TBC1D2B: variants seen among roughly 807,000 people sequenced by gnomAD.
TBC1D2B encodes TBC1 domain family, member 2B.
In TBC1D2B, 64 loss-of-function variants were observed where a neutral mutation model predicts 100.8. The ratio of observed to expected loss-of-function variants is 0.64; its 90% CI spans 0.52 to 0.78. The LOEUF (loss-of-function observed/expected upper bound fraction) is 0.78. Ranked by LOEUF, TBC1D2B falls within the 30% of genes least tolerant of loss-of-function variation. TBC1D2B has a pLI of 0.00. For synonymous variants in TBC1D2B, 480 were observed against 479.7 expected (o/e 1.00, Z -0.01); for missense variants, 1,052 against 1,218.4 (o/e 0.86, Z 2.03).
chr15:78,010,365 G>C (rs2141648719), intron 9 of TBC1D2B, among the ~76,000 whole-genome samples: 1 of 152,254 alleles, frequency 6.6e-6, no homozygotes, highest in South Asian at 2.1e-4. Context: ...TGAGAGAAAG[G>C]CCTCCCTCTA....
chr15:78,038,700 G>C (rs1324334311), intron 3 of TBC1D2B, among the ~76,000 whole-genome samples: 2 of 152,152 alleles, frequency 1.3e-5, no homozygotes, highest in Non-Finnish European at 2.9e-5. Flanking sequence ...AATACAACCG[G>C]AGACATGGCC....
intron 9 of TBC1D2B, among the ~76,000 whole-genome samples, chr15:78,010,797 A>G (rs1383390285): frequency 1.3e-5 from 2 of 152,220 alleles, no homozygotes; most frequent in Non-Finnish European, 2.9e-5. Context: ...AGAAGCCATG[A>G]ACATGTACCA....
At chr15:78,009,769 T>C (rs2072170558) in intron 9 of TBC1D2B, among the ~76,000 whole-genome samples, 1 of 151,938 alleles carries the variant, frequency 6.6e-6, no homozygotes, top group African/African-American at 2.4e-5. Context: ...GGTCAGGAGA[T>C]TGAGACCATC....
At chr15:78,068,164 G>GT (rs1422537774) in intron 1 of TBC1D2B, among the ~76,000 whole-genome samples, 1 of 151,988 alleles carries the variant, frequency 6.6e-6, no homozygotes, top group Non-Finnish European at 1.5e-5. Context: ...CCTCTTCAAT[G>GT]TTTTTTTCAA....
At chr15:78,007,793 T>C (rs574539979) in intron 10 of TBC1D2B, among the ~76,000 whole-genome samples, 2 of 152,236 alleles carry the variant, frequency 1.3e-5, no homozygotes, top group South Asian at 4.2e-4. Context: ...GGGTCAGCTG[T>C]TGGCACAGAG....
intron 2 of TBC1D2B, among the ~76,000 whole-genome samples, chr15:78,051,301 A>G (rs923935585): frequency 2.0e-5 from 3 of 152,258 alleles, no homozygotes; most frequent in African/African-American, 7.2e-5. Flanking sequence ...ACACATACAT[A>G]TGGCTCTTTA....
chr15:78,070,596 T>C (rs1049756563), intron 1 of TBC1D2B, among the ~76,000 whole-genome samples: 1 of 152,236 alleles, frequency 6.6e-6, no homozygotes, highest in Non-Finnish European at 1.5e-5. Flanking sequence ...CCTGCGGTCA[T>C]TTCCAGTCTC....
At chr15:78,001,153 CT>C (rs2071902508) in intron 12 of TBC1D2B, among the ~76,000 whole-genome samples, 2 of 152,306 alleles carry the variant, frequency 1.3e-5, no homozygotes, top group South Asian at 2.1e-4. Flanking sequence ...GAAGGACCCC[CT>C]GTCCCCATAC....
intron 1 of TBC1D2B, among the ~76,000 whole-genome samples, chr15:78,062,448 T>C (rs751771313): frequency 1.8e-4 from 27 of 152,366 alleles, no homozygotes; most frequent in Non-Finnish European, 3.2e-4. Context: ...GAGATCCCAT[T>C]AATCTTTAGT....
At chr15:78,063,508 C>T (rs900304765) in intron 1 of TBC1D2B, among the ~76,000 whole-genome samples, 8 of 152,172 alleles carry the variant, frequency 5.3e-5, no homozygotes, top group Admixed American at 2.0e-4. Flanking sequence ...TCTAGGTTGG[C>T]TTCAGGGACA....
At chr15:78,049,201 G>A (rs1038962800) in intron 2 of TBC1D2B, among the ~76,000 whole-genome samples, 12 of 152,316 alleles carry the variant, frequency 7.9e-5, no homozygotes, top group Middle Eastern at 6.8e-3. Context: ...AGAGGCCCCA[G>A]GATGGGCCAG....
rs1478313486 is a variant in TBC1D2B at position 78,001,708 on chromosome 15, C to T, written c.2607G>A (p.Lys869=). 4.4e-6 allele frequency: 7 copies of T among 1,608,636 alleles called. No individual in the cohort carries two copies. Among genetic ancestry groups the T allele is most frequent in the Admixed American group, 3.4e-5 (2 of 59,226 alleles). Reference sequence around the variant, plus strand: ...ATTTCAAAATCTCCTCTTCCTTGTACTTAAAAAGTGCCAGAGCAAAACGGA... The same window carrying T: ...ATTTCAAAATCTCCTCTTCCTTGTATTTAAAAAGTGCCAGAGCAAAACGGA... ...VIFRFALALF[K]YKEEEILKLQ... The change falls in exon 12 of 13, where the codon AAG becomes AAA. Residue 869 remains lysine (K), a synonymous_variant. Coordinates refer to ENST00000300584, the MANE Select transcript of TBC1D2B (RefSeq NM_144572.2).
In TBC1D2B at chr15:78,024,062, G is replaced by A. The variant is rs1190607921; in HGVS notation, c.1470+94C>T. The A allele has an allele frequency of 4.2e-6, 6 of 1,440,422 alleles. No individual in the cohort carries two copies. In the African/African-American group the frequency reaches 8.6e-5, roughly 21 times the overall value. 89.2% of individuals were successfully genotyped at this position (1,440,422 alleles called of 1,614,324 possible). ...AAAAAAATAAGTGTGCAGCTGTTCT[G>A]CCGTCACACCAAATCAGCTCACGGA... is the stretch of plus-strand genomic sequence containing the variant. On this transcript the variant is annotated intron_variant, in intron 6 of 12. Transcript: ENST00000300584.
intron 1 of TBC1D2B, among the ~76,000 whole-genome samples, chr15:78,069,847 G>C (rs1292651458): frequency 1.3e-5 from 2 of 152,226 alleles, no homozygotes; most frequent in African/African-American, 4.8e-5. Flanking sequence ...CTCTAAAGCA[G>C]AGTGAGCCCT....
rs552355545 is a variant in TBC1D2B at position 78,028,636 on chromosome 15, C to T, written c.847+1371G>A. ...ACATGATGTGGCTTCAGATGCGATA[C>T]GATAGGAAGCACGCAGCATCTCCCC... On this transcript the variant is annotated intron_variant, in intron 4 of 12. Transcript: ENST00000300584. 1.1e-4 allele frequency among the ~76,000 whole-genome samples: 17 copies of T among 152,304 alleles called. No individual in the cohort carries two copies. The South Asian group carries it at 1.7e-3, about 15-fold the overall frequency.
In TBC1D2B at chr15:78,054,079, T is replaced by G. The variant is rs369892294; in HGVS notation, c.469A>C (p.Thr157Pro). The change falls in exon 2 of 13, where the codon ACT becomes CCT. Residue 157 changes from threonine to proline, a missense_variant. By Grantham distance (38) the Thr-to-Pro change is conservative (BLOSUM62 -1). Around this residue, in one of 4 missense-constraint regions of TBC1D2B, gnomAD observed 627 missense variants for 646.1 expected, o/e 0.97. Coordinates refer to ENST00000300584, the MANE Select transcript of TBC1D2B (RefSeq NM_144572.2). ...MVKWDSRTSP[T>P]PGDFPKGLVA... ...AGACCCTTAGGAAAATCCCCGGGAGTTGGAGAGGTCCTGCTGTCCCACTTG... is the reference window on the plus strand; with the variant it reads ...AGACCCTTAGGAAAATCCCCGGGAGGTGGAGAGGTCCTGCTGTCCCACTTG... The G allele has an allele frequency of 3.7e-5, 59 of 1,613,406 alleles. No individual in the cohort carries two copies. Among genetic ancestry groups the G allele is most frequent in the Non-Finnish European group, 4.7e-5 (56 of 1,179,750 alleles).
At chr15:78,057,126 C>G (rs941374356) in intron 1 of TBC1D2B, among the ~76,000 whole-genome samples, 1 of 152,174 alleles carries the variant, frequency 6.6e-6, no homozygotes, top group Non-Finnish European at 1.5e-5. Flanking sequence ...ACAAGAAATC[C>G]TTTTCACTTT....
chr15:78,074,069 G>A (rs1263552316), intron 1 of TBC1D2B, among the ~76,000 whole-genome samples: 10 of 151,450 alleles, frequency 6.6e-5, no homozygotes, highest in African/African-American at 2.4e-4. Context: ...TGTCGCTCAG[G>A]CTGGAGTGCA....
chr15:78,063,796 C>T (rs1049398717), intron 1 of TBC1D2B, among the ~76,000 whole-genome samples: 1 of 152,120 alleles, frequency 6.6e-6, no homozygotes, highest in Non-Finnish European at 1.5e-5. Flanking sequence ...TTCCTAAGGA[C>T]TCCCTTGTCA....
Sources: gnomAD v4.1 joint callset for allele counts (sites outside exome capture counted in the v4.1 genomes callset) on GRCh38, gnomAD v4.1.1 for gene constraint, gnomAD v4.1.1 regional missense constraint, MANE v1.5 for transcripts, NCBI Gene and HGNC (gene_info 2026-07-23, HGNC 2026-07-21) for gene names.